PTPN12: variants seen among roughly 807,000 people sequenced by gnomAD.
The protein encoded by PTPN12 is tyrosine-protein phosphatase non-receptor type 12.
Under a neutral mutation model 97.6 loss-of-function variants are expected in PTPN12, and 29 were observed. The observed-to-expected ratio is 0.30, with a 90% confidence interval of 0.22 to 0.41. The LOEUF is 0.41. PTPN12 is among the 10% of genes least tolerant of loss of function. PTPN12 has a pLI of 1.00. For synonymous variants in PTPN12, 327 were observed against 300.4 expected (o/e 1.09, Z -0.91); for missense variants, 819 against 926.0 (o/e 0.88, Z 1.50).
chr7:77,638,111 C>T (rs1471941118), intron 16 of PTPN12, among the ~76,000 whole-genome samples: 1 of 151,258 alleles, frequency 6.6e-6, no homozygotes, highest in Admixed American at 6.6e-5. Flanking sequence ...GCGCCCGCCA[C>T]CACGCCTGGC....
chr7:77,537,633 C>T lies in PTPN12; in HGVS notation c.87C>T (p.Ala29=), dbSNP rs751250329. 6.3e-7 allele frequency: 1 copy of T among 1,597,952 alleles called. No individual in the cohort carries two copies. The highest frequency in any genetic ancestry group is 8.5e-7 in the Non-Finnish European group (1 of 1,173,470). ...SPDHNGEDNF[A]RDFMRLRRLS... is the part of the protein sequence containing the mutation. ...ACCACAATGGGGAGGACAACTTCGC[C>T]CGGGACTTCATGGTGAGTCTCTCCC... is the stretch of plus-strand genomic sequence containing the variant. Residue 29 remains alanine, a synonymous_variant, in exon 1 of 18, where the codon GCC becomes GCT. Transcript: ENST00000248594.
intron 7 of PTPN12, among the ~76,000 whole-genome samples, chr7:77,600,276 C>G (rs1364342023): frequency 6.6e-6 from 1 of 152,150 alleles, no homozygotes; most frequent in Non-Finnish European, 1.5e-5. Flanking sequence ...ATTGCTCATC[C>G]ATTTAATAGT....
Position 77,539,837 on chromosome 7 carries a change from C to T in PTPN12, c.99+2192C>T, listed in dbSNP as rs545746474. On this transcript the variant is annotated intron_variant, in intron 1 of 17. Coordinates refer to ENST00000248594, the MANE Select transcript of PTPN12 (RefSeq NM_002835.4). ...CCGGGACTACAGGCGCAAGCTACCA[C>T]GCCCTGCTAATTTTGTATTTTTAGT... Among the ~76,000 whole-genome samples the T allele has an allele frequency of 5.1e-4, 78 of 152,252 alleles. 3 individuals carry two copies. In the South Asian group the frequency reaches 0.016, roughly 32 times the overall value.
intron 1 of PTPN12, among the ~76,000 whole-genome samples, chr7:77,549,444 G>A (rs1807374810): frequency 6.6e-6 from 1 of 152,088 alleles, no homozygotes. Flanking sequence ...TAAGGTTTCT[G>A]TGTAGCAAAC....
intron 6 of PTPN12, 51 bp downstream of exon 6, chr7:77,592,307 C>A: frequency 1.5e-6 from 2 of 1,357,746 alleles, no homozygotes; most frequent in Non-Finnish European, 2.1e-6. Flanking sequence ...GCATGCTATA[C>A]TGATGAATAA....
chr7:77,573,429 A>C (rs1787228509), intron 2 of PTPN12, among the ~76,000 whole-genome samples: 1 of 152,166 alleles, frequency 6.6e-6, no homozygotes, highest in South Asian at 2.1e-4. Flanking sequence ...GGGGCAAACA[A>C]GCTCTCTCGG....
intron 9 of PTPN12, 32 bp downstream of exon 9, chr7:77,607,333 A>G (rs761813232): frequency 1.5e-5 from 21 of 1,417,078 alleles, no homozygotes; most frequent in East Asian, 2.3e-5. Flanking sequence ...ATTATGTTCA[A>G]TTGATCTATT....
intron 8 of PTPN12, 49 bp from the exon 9 acceptor site, chr7:77,607,186 A>G (rs188446429): frequency 1.5e-6 from 2 of 1,370,584 alleles, no homozygotes; most frequent in South Asian, 2.5e-5. Flanking sequence ...TTTATTTTAT[A>G]GTTGTTTTAT....
intron 1 of PTPN12, among the ~76,000 whole-genome samples, chr7:77,560,488 C>T (rs1807947405): frequency 6.6e-6 from 1 of 152,144 alleles, no homozygotes. Flanking sequence ...ATCTCTAGAA[C>T]TCTTCTCATC....
chr7:77,617,659 A>AT (rs1458536726), intron 11 of PTPN12, among the ~76,000 whole-genome samples: 3 of 152,186 alleles, frequency 2.0e-5, no homozygotes, highest in Admixed American at 2.0e-4. Flanking sequence ...AAGGGTGAAA[A>AT]TCATTCCTCT....
chr7:77,597,513 C>A (rs1410188556), intron 6 of PTPN12, among the ~76,000 whole-genome samples: 1 of 152,152 alleles, frequency 6.6e-6, no homozygotes, highest in Non-Finnish European at 1.5e-5. Flanking sequence ...TCATCCATGT[C>A]TTTTCATGGC....
At chr7:77,539,973 C>T (rs778846103) in intron 1 of PTPN12, among the ~76,000 whole-genome samples, 25 of 151,998 alleles carry the variant, frequency 1.6e-4, no homozygotes, top group Non-Finnish European at 2.5e-4. Context: ...GCCACCATGC[C>T]CGGCCTAAAA....
chr7:77,560,047 C>G (rs1156664628), intron 1 of PTPN12, among the ~76,000 whole-genome samples: 1 of 152,186 alleles, frequency 6.6e-6, no homozygotes, highest in Non-Finnish European at 1.5e-5. Flanking sequence ...CTAAAACAGT[C>G]CCTGGGCATA....
chr7:77,594,953 A>G (rs1787978776), intron 6 of PTPN12, among the ~76,000 whole-genome samples: 1 of 152,256 alleles, frequency 6.6e-6, no homozygotes, highest in Non-Finnish European at 1.5e-5. Context: ...GATATAAGGC[A>G]GAATGCAATA....
chr7:77,541,693 C>G (rs891147067), intron 1 of PTPN12, among the ~76,000 whole-genome samples: 1 of 152,014 alleles, frequency 6.6e-6, no homozygotes, highest in African/African-American at 2.4e-5. Flanking sequence ...CTTGTTTTAA[C>G]TTGAATTTCT....
chr7:77,583,528 G>T, intron 3 of PTPN12, 27 bp from the exon 4 acceptor site: 1 of 1,401,812 alleles, frequency 7.1e-7, no homozygotes, highest in Non-Finnish European at 1.0e-6. Flanking sequence ...CAAAATAAAT[G>T]TGAAATTTGC....
chr7:77,638,909 T>G, intron 17 of PTPN12, 178 bp downstream of exon 17: 1 of 1,137,442 alleles, frequency 8.8e-7, no homozygotes, highest in South Asian at 2.4e-5. Flanking sequence ...GATTAAAAAC[T>G]AAAATAGAAA....
chr7:77,629,767 C>T (rs1246498300), intron 13 of PTPN12, among the ~76,000 whole-genome samples: 2 of 151,812 alleles, frequency 1.3e-5, no homozygotes, highest in African/African-American at 4.8e-5. Flanking sequence ...CATAGTGACA[C>T]CCAATCTCTA....
intron 1 of PTPN12, among the ~76,000 whole-genome samples, chr7:77,553,628 G>A (rs1807572246): frequency 6.6e-6 from 1 of 152,144 alleles, no homozygotes; most frequent in Admixed American, 6.5e-5. Context: ...TGTGTTAGCT[G>A]ATATATTTTT....
Sources: gnomAD v4.1 joint callset for allele counts (sites outside exome capture counted in the v4.1 genomes callset) on GRCh38, gnomAD v4.1.1 for gene constraint, MANE v1.5 for transcripts, NCBI Gene and HGNC (gene_info 2026-07-23, HGNC 2026-07-21) for gene names.